Variants in SUGCT observed in about 807,000 individuals in gnomAD.
SUGCT encodes succinyl-CoA:glutarate CoA-transferase.
A neutral mutation model predicts 55.0 loss-of-function variants in SUGCT; 41 were observed. That is an observed-to-expected ratio of 0.74 (90% CI 0.58 to 0.97). The LOEUF (loss-of-function observed/expected upper bound fraction) is 0.97, where lower values mean the gene tolerates loss of function less well. Ranked by LOEUF, SUGCT falls within the 50% of genes least tolerant of loss-of-function variation. SUGCT has a pLI of 0.00. For synonymous variants in SUGCT, 187 were observed against 200.4 expected (o/e 0.93, Z 0.56); for missense variants, 568 against 547.8 (o/e 1.04, Z -0.37).
chr7:41,011,972 C>T, the SUGCT span, among the ~76,000 whole-genome samples: 27 of 152,092 alleles, frequency 1.8e-4, no homozygotes, highest in Non-Finnish European at 2.8e-4. Context: ...TGGTGTTTTA[C>T]GTTCTTTCTC....
At chr7:40,424,216 GGGCTTATGTAGTTTTCA>G (rs1787465740) in intron 9 of SUGCT, among the ~76,000 whole-genome samples, 1 of 152,068 alleles carries the variant, frequency 6.6e-6, no homozygotes, top group South Asian at 2.1e-4. Flanking sequence ...TTCAGCACAG[GGGCTTATGTAGTTTTCA>G]TAAAGAAAGG....
At chr7:40,688,096 C>CTCAAT (rs1370050082) in intron 12 of SUGCT, among the ~76,000 whole-genome samples, 1 of 152,160 alleles carries the variant, frequency 6.6e-6, no homozygotes, top group Non-Finnish European at 1.5e-5. Context: ...AATCTATAAT[C>CTCAAT]TCAATAGTAT....
chr7:40,138,683 A>G (rs1787822210), intron 1 of SUGCT, among the ~76,000 whole-genome samples: 1 of 151,836 alleles, frequency 6.6e-6, no homozygotes, highest in African/African-American at 2.4e-5. Context: ...TGTCTTTTTA[A>G]TAGCCATTCT....
chr7:40,986,996 C>T, the SUGCT span, among the ~76,000 whole-genome samples: 2 of 152,168 alleles, frequency 1.3e-5, no homozygotes, highest in Middle Eastern at 6.8e-3. Flanking sequence ...TATGTTTTTC[C>T]TTTATTCAAA....
At chr7:40,535,605 C>T (rs1004265211) in intron 12 of SUGCT, among the ~76,000 whole-genome samples, 1 of 152,156 alleles carries the variant, frequency 6.6e-6, no homozygotes, top group African/African-American at 2.4e-5. Context: ...ATAGCAAAGA[C>T]ACTGAATCAA....
chr7:40,513,596 A>G (rs1195475095), intron 12 of SUGCT, among the ~76,000 whole-genome samples: 1 of 152,132 alleles, frequency 6.6e-6, no homozygotes, highest in East Asian at 1.9e-4. Flanking sequence ...GTACAGGAGC[A>G]AACACAGTAA....
At chr7:40,898,376 C>T in the SUGCT span, among the ~76,000 whole-genome samples, 9,585 of 151,306 alleles carry the variant, frequency 0.063, 862 homozygotes, top group African/African-American at 0.21. Flanking sequence ...AGCAAGAGCA[C>T]GAACCCACCA....
intron 8 of SUGCT, among the ~76,000 whole-genome samples, chr7:40,291,959 C>A (rs1793808497): frequency 3.3e-5 from 5 of 152,156 alleles, no homozygotes; most frequent in Admixed American, 3.3e-4. Flanking sequence ...TTTGTCGACA[C>A]CTTGACATTA....
At chr7:40,156,943 A>G (rs1435075962) in intron 1 of SUGCT, among the ~76,000 whole-genome samples, 9 of 148,452 alleles carry the variant, frequency 6.1e-5, no homozygotes, top group Non-Finnish European at 1.3e-4. Flanking sequence ...TGAACTCGGG[A>G]GGCAGAGCTT....
chr7:40,983,939 C>A, the SUGCT span, among the ~76,000 whole-genome samples: 1 of 152,132 alleles, frequency 6.6e-6, no homozygotes, highest in African/African-American at 2.4e-5. Flanking sequence ...AGATGGAGAG[C>A]TCCCAGAAAC....
At chr7:40,143,023 G>T (rs1788066818) in intron 1 of SUGCT, among the ~76,000 whole-genome samples, 1 of 152,088 alleles carries the variant, frequency 6.6e-6, no homozygotes, top group African/African-American at 2.4e-5. Flanking sequence ...TATTCCCTGT[G>T]GGACTCCAAT....
chr7:40,332,337 T>C (rs1796357366), intron 9 of SUGCT, among the ~76,000 whole-genome samples: 1 of 152,190 alleles, frequency 6.6e-6, no homozygotes, highest in African/African-American at 2.4e-5. Flanking sequence ...GTATTAGTAG[T>C]GTGCTGTCTC....
At chr7:40,904,799 T>C in the SUGCT span, among the ~76,000 whole-genome samples, 61 of 152,322 alleles carry the variant, frequency 4.0e-4, no homozygotes, top group African/African-American at 1.4e-3. Context: ...CACACATATA[T>C]GTATATGTAT....
chr7:40,587,964 G>A (rs1263051009), intron 12 of SUGCT, among the ~76,000 whole-genome samples: 2 of 147,868 alleles, frequency 1.4e-5, no homozygotes, highest in Non-Finnish European at 3.0e-5. Context: ...GTGCAGTGGT[G>A]CAATCACAGC....
intron 1 of SUGCT, among the ~76,000 whole-genome samples, chr7:40,162,342 T>A (rs762807853): frequency 5.3e-5 from 8 of 152,254 alleles, no homozygotes; most frequent in Non-Finnish European, 8.8e-5. Flanking sequence ...GAATCTGCTT[T>A]CCTTTGCCTT....
intron 13 of SUGCT, among the ~76,000 whole-genome samples, chr7:40,844,229 C>T (rs998885806): frequency 1.3e-5 from 2 of 152,170 alleles, no homozygotes; most frequent in Non-Finnish European, 2.9e-5. Context: ...CTGCAGATGG[C>T]TAAGTGTAAA....
At chr7:40,312,095 A>G (rs1028391331) in intron 8 of SUGCT, among the ~76,000 whole-genome samples, 3 of 149,226 alleles carry the variant, frequency 2.0e-5, no homozygotes, top group Non-Finnish European at 1.5e-5. Flanking sequence ...GCTGGAGTGC[A>G]ATGGCGCGAT....
the SUGCT span, among the ~76,000 whole-genome samples, chr7:40,901,025 G>A: frequency 6.6e-6 from 1 of 152,152 alleles, no homozygotes; most frequent in Non-Finnish European, 1.5e-5. Context: ...TATTGTAGGT[G>A]GTGGGGAGTG....
At chr7:40,386,722 A>G (rs1785148474) in intron 9 of SUGCT, among the ~76,000 whole-genome samples, 1 of 152,080 alleles carries the variant, frequency 6.6e-6, no homozygotes, top group Admixed American at 6.5e-5. Flanking sequence ...TGGGGTTGGG[A>G]CTGTTGTCCC....
Sources: allele counts gnomAD v4.1 joint callset (sites outside exome capture counted in the v4.1 genomes callset), GRCh38; gene constraint gnomAD v4.1.1; transcripts MANE v1.5; gene names NCBI Gene and HGNC (gene_info 2026-07-23, HGNC 2026-07-21).